The following STXBP3 variants were observed in gnomAD, a reference collection of about 807,000 sequenced individuals.
STXBP3 encodes the protein syntaxin binding protein 3.
A neutral mutation model predicts 85.7 loss-of-function variants in STXBP3; 41 were observed. The ratio of observed to expected loss-of-function variants is 0.48; its 90% CI spans 0.37 to 0.62. The LOEUF (loss-of-function observed/expected upper bound fraction) is 0.62, where lower values mean the gene tolerates loss of function less well. Ranked by LOEUF, STXBP3 falls within the 20% of genes least tolerant of loss-of-function variation. The pLI is 0.00. For missense variants in STXBP3, 563 were observed against 703.1 expected, an observed-to-expected ratio of 0.80 and a Z score of 2.25; for synonymous variants, 229 against 231.7, an observed-to-expected ratio of 0.99 and a Z score of 0.10.
At chr1:108,789,207 T>G (rs1662925128) in intron 11 of STXBP3, among the ~76,000 whole-genome samples, 1 of 152,272 alleles carries the variant, frequency 6.6e-6, no homozygotes, top group Non-Finnish European at 1.5e-5. Flanking sequence ...CAGCTTACTT[T>G]GTTTTAAATG....
At chr1:108,756,901 T>G in intron 4 of STXBP3, 135 bp downstream of exon 4, 1 of 494,574 alleles carries the variant, frequency 2.0e-6, no homozygotes, top group Middle Eastern at 5.8e-4. Flanking sequence ...CTTAGGAAAG[T>G]TTTTTTCTGT....
chr1:108,755,413 C>T (rs1181273556), intron 3 of STXBP3, among the ~76,000 whole-genome samples: 2 of 152,106 alleles, frequency 1.3e-5, no homozygotes, highest in Admixed American at 6.6e-5. Context: ...TGCCACTACA[C>T]TCCAGCCTGG....
intron 9 of STXBP3, chr1:108,779,892 T>G (rs2101122333): frequency 6.6e-6 from 1 of 152,370 alleles, no homozygotes; most frequent in Admixed American, 6.5e-5. Flanking sequence ...TTTTGGTACC[T>G]TCTACTGAGT....
chr1:108,790,075 CTGTA>C (rs1662945173), intron 11 of STXBP3, among the ~76,000 whole-genome samples: 2 of 150,208 alleles, frequency 1.3e-5, no homozygotes, highest in African/African-American at 4.9e-5. Context: ...AATATAAATT[CTGTA>C]TGTGTCAGTT....
In STXBP3 at chr1:108,765,570, A is replaced by ATTTTTTTT. The variant is rs35813823; in HGVS notation, c.438+5500_438+5507dup. Reference sequence around the variant, plus strand: ...TCATGGTAAAAAGCACCACATGCTAATTTTTTTTTTTTTTTTTTTTTTGAG... The same window carrying ATTTTTTTT: ...TCATGGTAAAAAGCACCACATGCTAATTTTTTTTTTTTTTTTTTTTTTTTTTTTTTGAG... On this transcript the variant is annotated intron_variant, in intron 6 of 18. Transcript: ENST00000370008. Among the ~76,000 whole-genome samples the ATTTTTTTT allele has an allele frequency of 7.1e-4, 48 of 67,154 alleles. 9 individuals are homozygous for ATTTTTTTT. Among genetic ancestry groups the ATTTTTTTT allele is most frequent in the Admixed American group, 7.4e-4 (5 of 6,738 alleles). 44.1% of individuals were successfully genotyped at this position (67,154 alleles called of 152,430 possible).
chr1:108,749,538 G>A (rs1661860275), intron 1 of STXBP3, among the ~76,000 whole-genome samples: 1 of 152,180 alleles, frequency 6.6e-6, no homozygotes, highest in South Asian at 2.1e-4. Flanking sequence ...CCATATTTAG[G>A]ATGCTAGAGA....
intron 6 of STXBP3, among the ~76,000 whole-genome samples, chr1:108,768,706 A>G (rs1662320275): frequency 6.6e-6 from 1 of 152,166 alleles, no homozygotes. Context: ...TCCTTAATGA[A>G]AAGTAGAATC....
intron 3 of STXBP3, among the ~76,000 whole-genome samples, chr1:108,754,851 C>G (rs1482951595): frequency 6.6e-6 from 1 of 152,108 alleles, no homozygotes; most frequent in Non-Finnish European, 1.5e-5. Context: ...TCATAGAGCT[C>G]GCTGCTGTGG....
At chr1:108,752,508 T>G (rs987068637) in intron 2 of STXBP3, among the ~76,000 whole-genome samples, 11 of 152,118 alleles carry the variant, frequency 7.2e-5, no homozygotes, top group African/African-American at 2.7e-4. Flanking sequence ...ATCCATGGAT[T>G]TTTGGTATAC....
At position 108,756,690 on chromosome 1, in the gene STXBP3, T is replaced by C. The variant is rs1241841460; in HGVS notation, c.182T>C (p.Val61Ala). Residue 61 changes from valine (V) to alanine (A), a missense_variant and splice_region_variant, in exon 4 of 19, where the codon GTT becomes GCT. Physicochemically the swap from Val to Ala is moderately conservative, Grantham distance 64. Transcript: ENST00000370008. ...MTDLLEEGIT[V>A]VENIYKNREP... ...ATAAAATGACCTTTTTTCTTGTTAG[T>C]TGTAGAGAATATTTATAAGAACCGT... The C allele has an allele frequency of 6.4e-7, 1 of 1,556,344 alleles. No homozygotes were observed. Among genetic ancestry groups the C allele is most frequent in the Non-Finnish European group, 8.7e-7 (1 of 1,149,744 alleles).
At chr1:108,774,767 A>C (rs1356687260) in intron 7 of STXBP3, among the ~76,000 whole-genome samples, 2 of 149,702 alleles carry the variant, frequency 1.3e-5, no homozygotes, top group Non-Finnish European at 3.0e-5. Flanking sequence ...TTTTCTTGTC[A>C]GAGATGTGCT....
At chr1:108,754,984 A>G (rs556980220) in intron 3 of STXBP3, among the ~76,000 whole-genome samples, 9 of 152,222 alleles carry the variant, frequency 5.9e-5, no homozygotes, top group African/African-American at 2.2e-4. Context: ...AAATCCCTCT[A>G]TGAAACTGGG....
chr1:108,804,059 T>C (rs1043785569), intron 17 of STXBP3, among the ~76,000 whole-genome samples: 4 of 152,182 alleles, frequency 2.6e-5, no homozygotes, highest in African/African-American at 9.7e-5. Context: ...GATTTATTTT[T>C]ATTTCTTTCT....
intron 18 of STXBP3, among the ~76,000 whole-genome samples, chr1:108,808,487 A>G (rs61797354): frequency 0.045 from 6,812 of 152,332 alleles, 211 homozygotes; most frequent in Admixed American, 0.069. Flanking sequence ...AATAACTGTT[A>G]TAGTGCTGAG....
intron 15 of STXBP3, among the ~76,000 whole-genome samples, chr1:108,797,743 GT>G (rs1180555521): frequency 5.0e-5 from 7 of 139,580 alleles, no homozygotes; most frequent in East Asian, 4.2e-4. Flanking sequence ...GTGTGTGTGT[GT>G]TTTTTTTTTG....
At chr1:108,788,376 A>G (rs556088672) in intron 11 of STXBP3, among the ~76,000 whole-genome samples, 7 of 152,252 alleles carry the variant, frequency 4.6e-5, no homozygotes, top group Admixed American at 1.3e-4. Flanking sequence ...TGTTCTTGTC[A>G]GGTTTTAGCA....
chr1:108,756,491 T>C (rs1662020751), intron 3 of STXBP3, among the ~76,000 whole-genome samples, 199 bp from the exon 4 acceptor site: 2 of 152,124 alleles, frequency 1.3e-5, no homozygotes, highest in South Asian at 4.1e-4. Context: ...GAAGAATTTT[T>C]ATTTTTCATT....
chr1:108,761,107 T>C (rs1055188167), intron 6 of STXBP3, among the ~76,000 whole-genome samples: 15 of 152,224 alleles, frequency 9.9e-5, no homozygotes, highest in African/African-American at 3.6e-4. Context: ...GGTTTCTCCA[T>C]GTTGGTCAGG....
intron 7 of STXBP3, among the ~76,000 whole-genome samples, chr1:108,775,888 A>G (rs1434796398): frequency 6.6e-6 from 1 of 151,986 alleles, no homozygotes; most frequent in Non-Finnish European, 1.5e-5. Flanking sequence ...TAAATCCGAT[A>G]TGTGTGTCAA....
Sources: gnomAD v4.1 joint callset for allele counts (sites outside exome capture counted in the v4.1 genomes callset) on GRCh38, gnomAD v4.1.1 for gene constraint, MANE v1.5 for transcripts, NCBI Gene and HGNC (gene_info 2026-07-23, HGNC 2026-07-21) for gene names.